The following GALNT13 variants were observed in gnomAD, a reference collection of about 807,000 sequenced individuals.
GALNT13 encodes the protein polypeptide N-acetylgalactosaminyltransferase 13.
A neutral mutation model predicts 64.2 loss-of-function variants in GALNT13; 28 were observed. The ratio of observed to expected loss-of-function variants is 0.44; its 90% CI spans 0.32 to 0.60. GALNT13 has a LOEUF of 0.60. GALNT13 is among the 20% of genes least tolerant of loss of function. The probability of loss-of-function intolerance (pLI) is 0.05; values close to 1 mark genes in which losing one functional copy is unlikely to be tolerated. For synonymous variants in GALNT13, 214 were observed against 224.6 expected, an observed-to-expected ratio of 0.95 and a Z score of 0.42; for missense variants, 577 against 669.8, an observed-to-expected ratio of 0.86 and a Z score of 1.53.
At chr2:153,227,311 G>T in the GALNT13 span, among the ~76,000 whole-genome samples, 1 of 152,320 alleles carries the variant, frequency 6.6e-6, no homozygotes, top group African/African-American at 2.4e-5. Context: ...TTGCAGGACT[G>T]AGTGCTGGCT....
rs76244884 is a variant in GALNT13 at position 153,900,710 on chromosome 2, T to C, written c.-176-226T>C. On this transcript the variant is annotated intron_variant, in intron 1 of 12. Transcript: ENST00000392825. ...CTAGTATGCAGACTTCTCTTACCTCTTTCTTCAAAGTGTTCTCCTTGACTG... is the reference window on the plus strand; with the variant it reads ...CTAGTATGCAGACTTCTCTTACCTCCTTCTTCAAAGTGTTCTCCTTGACTG... Among the ~76,000 whole-genome samples the C allele has an allele frequency of 7.4e-3, 1,131 of 152,282 alleles. 17 individuals carry two copies. The highest frequency in any genetic ancestry group is 0.026 in the African/African-American group (1,089 of 41,562).
the GALNT13 span, among the ~76,000 whole-genome samples, chr2:153,093,121 T>G: frequency 6.6e-6 from 1 of 152,176 alleles, no homozygotes; most frequent in African/African-American, 2.4e-5. Context: ...CACCTGGTTT[T>G]TATCCTTCAT....
chr2:154,060,074 G>A (rs62173319), intron 3 of GALNT13, among the ~76,000 whole-genome samples: 30,929 of 152,106 alleles, frequency 0.2, 4,057 homozygotes, highest in Middle Eastern at 0.32. Flanking sequence ...CTTATAACAA[G>A]AGGAAGAAAA....
chr2:153,620,449 G>A, the GALNT13 span, among the ~76,000 whole-genome samples: 1 of 151,802 alleles, frequency 6.6e-6, no homozygotes, highest in Non-Finnish European at 1.5e-5. Context: ...ATTGCTTTTT[G>A]TTCTTTTTTT....
intron 3 of GALNT13, among the ~76,000 whole-genome samples, chr2:154,022,345 G>A (rs1045373140): frequency 3.9e-5 from 6 of 151,952 alleles, no homozygotes; most frequent in African/African-American, 1.5e-4. Flanking sequence ...GGCTTTTTTT[G>A]GTTGGTAAGC....
intron 3 of GALNT13, among the ~76,000 whole-genome samples, chr2:154,133,980 G>A (rs1190881074): frequency 6.6e-6 from 1 of 152,094 alleles, no homozygotes; most frequent in Non-Finnish European, 1.5e-5. Context: ...AGTGTCGACT[G>A]CTGTTTTCCA....
chr2:153,138,934 T>A, the GALNT13 span, among the ~76,000 whole-genome samples: 1 of 152,086 alleles, frequency 6.6e-6, no homozygotes, highest in African/African-American at 2.4e-5. Context: ...TCTTTGCATA[T>A]CCAATTTACC....
upstream of GALNT13, among the ~76,000 whole-genome samples, chr2:153,871,635 C>T (rs1036334793): frequency 6.6e-6 from 1 of 152,174 alleles, no homozygotes; most frequent in Non-Finnish European, 1.5e-5. Context: ...GGAGCTGACC[C>T]CAGGGTTGCT....
intron 9 of GALNT13, among the ~76,000 whole-genome samples, chr2:154,323,863 G>A (rs1694747061): frequency 6.6e-6 from 1 of 152,002 alleles, no homozygotes; most frequent in Admixed American, 6.6e-5. Context: ...TTCTTTCTAT[G>A]AGCAAAAGTT....
chr2:153,510,806 T>C, the GALNT13 span, among the ~76,000 whole-genome samples: 7 of 152,010 alleles, frequency 4.6e-5, no homozygotes, highest in African/African-American at 1.7e-4. Context: ...GAGACTGTGG[T>C]TGGCGAGGTA....
intron 9 of GALNT13, among the ~76,000 whole-genome samples, chr2:154,331,506 A>C (rs1191399849): frequency 1.3e-5 from 2 of 151,784 alleles, no homozygotes; most frequent in East Asian, 1.9e-4. Context: ...GGGTCTCGCC[A>C]TGTTGCTCAG....
At chr2:154,285,596 C>T (rs1363773039) in intron 8 of GALNT13, among the ~76,000 whole-genome samples, 1 of 151,928 alleles carries the variant, frequency 6.6e-6, no homozygotes, top group Non-Finnish European at 1.5e-5. Flanking sequence ...TATGCCAGTC[C>T]CATGCTTTTT....
At chr2:153,829,870 T>G in the GALNT13 span, among the ~76,000 whole-genome samples, 9 of 152,220 alleles carry the variant, frequency 5.9e-5, no homozygotes, top group Non-Finnish European at 1.0e-4. Flanking sequence ...TTCCTTTATT[T>G]TATTTGTTAT....
At chr2:153,251,920 G>A in the GALNT13 span, among the ~76,000 whole-genome samples, 48 of 151,820 alleles carry the variant, frequency 3.2e-4, no homozygotes, top group African/African-American at 9.7e-4. Flanking sequence ...GAATAATGCC[G>A]CAATAAACAT....
chr2:153,946,194 T>C (rs1477496915), intron 3 of GALNT13, among the ~76,000 whole-genome samples: 1 of 152,148 alleles, frequency 6.6e-6, no homozygotes, highest in Non-Finnish European at 1.5e-5. Flanking sequence ...TGTCATTTGT[T>C]GAAGGAAACC....
the GALNT13 span, among the ~76,000 whole-genome samples, chr2:153,216,520 T>C: frequency 6.6e-6 from 1 of 152,048 alleles, no homozygotes; most frequent in Non-Finnish European, 1.5e-5. Context: ...AGGTGTACAG[T>C]AGTATCTCAT....
At chr2:153,618,580 T>C in the GALNT13 span, among the ~76,000 whole-genome samples, 28 of 152,020 alleles carry the variant, frequency 1.8e-4, no homozygotes, top group African/African-American at 5.3e-4. Context: ...TATTTGTTGA[T>C]TTTCTGTCTG....
chr2:153,184,679 G>A, the GALNT13 span, among the ~76,000 whole-genome samples: 8 of 152,040 alleles, frequency 5.3e-5, no homozygotes, highest in African/African-American at 1.9e-4. Flanking sequence ...TAACATGAAG[G>A]GATGTTGAAT....
chr2:154,023,155 GAA>G (rs1374078693), intron 3 of GALNT13, among the ~76,000 whole-genome samples: 1 of 152,156 alleles, frequency 6.6e-6, no homozygotes, highest in Non-Finnish European at 1.5e-5. Context: ...GTGCTGAAAA[GAA>G]TGTATATTCT....
Sources: allele counts gnomAD v4.1 joint callset (sites outside exome capture counted in the v4.1 genomes callset), GRCh38; gene constraint gnomAD v4.1.1; transcripts MANE v1.5; gene names NCBI Gene and HGNC (gene_info 2026-07-23, HGNC 2026-07-21).